Variants in OSBPL6 observed in about 807,000 individuals in gnomAD.
The protein encoded by OSBPL6 is oxysterol-binding protein-related protein 6.
Under a neutral mutation model 125.8 loss-of-function variants are expected in OSBPL6, and 49 were observed. The observed-to-expected ratio is 0.39, with a 90% CI of 0.31 to 0.49. The LOEUF (loss-of-function observed/expected upper bound fraction) is 0.49, where lower values mean the gene tolerates loss of function less well. OSBPL6 is among the 20% of genes least tolerant of loss of function. The pLI is 0.88. For synonymous variants in OSBPL6, 394 were observed against 391.8 expected, an observed-to-expected ratio of 1.01 and a Z score of -0.07; for missense variants, 986 against 1,135.4, an observed-to-expected ratio of 0.87 and a Z score of 1.89.
intron 2 of OSBPL6, among the ~76,000 whole-genome samples, chr2:178,297,980 AAG>A (rs1413947511): frequency 4.6e-5 from 7 of 152,268 alleles, no homozygotes; most frequent in African/African-American, 1.4e-4. Flanking sequence ...CCATCTTTCA[AAG>A]TGAAATTCTG....
At chr2:178,379,313 G>GAAA (rs1360579439) in intron 15 of OSBPL6, among the ~76,000 whole-genome samples, 20 of 83,712 alleles carry the variant, frequency 2.4e-4, no homozygotes, top group Non-Finnish European at 3.4e-4. Flanking sequence ...GAAAGAAACA[G>GAAA]GAAGGAAGGA....
At chr2:178,254,774 A>G (rs1180901909) in intron 1 of OSBPL6, among the ~76,000 whole-genome samples, 1 of 152,190 alleles carries the variant, frequency 6.6e-6, no homozygotes, top group Non-Finnish European at 1.5e-5. Context: ...AGTGACTGTG[A>G]AAAGTTCTGG....
chr2:178,358,214 T>C lies in OSBPL6; in HGVS notation c.1154-3468T>C, dbSNP rs1574961500. 3.3e-5 allele frequency among the ~76,000 whole-genome samples: 5 copies of C among 152,284 alleles called. 1 individual carries two copies. The highest frequency in any genetic ancestry group is 3.3e-4 in the Admixed American group (5 of 15,296). ...ACCTGCACGTTGTGCACATGTACCC[T>C]AGAATTTAAACTAAAATAAAAAAAT... On this transcript the variant is annotated intron_variant, in intron 12 of 24. Coordinates refer to ENST00000190611, the MANE Select transcript of OSBPL6 (RefSeq NM_032523.4).
Position 178,390,615 on chromosome 2 carries a change from C to G in OSBPL6, c.2302-458C>G, listed in dbSNP as rs545027878. Among the ~76,000 whole-genome samples the G allele has an allele frequency of 4.1e-4, 62 of 152,340 alleles. 1 individual carries two copies. In the South Asian group the frequency reaches 7.0e-3, roughly 17 times the overall value. The stretch of plus-strand genomic sequence containing the variant: ...CATGGGGTAGGCAAACTCCCATAGA[C>G]TTCTTATCCCTTGGGAAGGAGTATG... On this transcript the variant is annotated intron_variant, in intron 21 of 24. Coordinates refer to ENST00000190611, the MANE Select transcript of OSBPL6 (RefSeq NM_032523.4).
rs760374393 is a variant in OSBPL6 at position 178,332,667 on chromosome 2, C to T, written c.399C>T (p.Ser133=). The change falls in exon 7 of 25, where the codon AGC becomes AGT. Residue 133 remains serine (S), a synonymous_variant. Coordinates refer to ENST00000190611, the MANE Select transcript of OSBPL6 (RefSeq NM_032523.4). ...LDIQKGKVHG[S]IDVGLSVMSI... ...TTCAGAAAGGAAAGGTCCATGGGAG[C>T]ATAGATGTGGGACTCTCAGTCATGT... 9 of 1,613,794 alleles carry T rather than the reference C, an allele frequency of 5.6e-6. No individual in the cohort carries two copies. The highest frequency in any genetic ancestry group is 2.7e-5 in the African/African-American group (2 of 74,876).
intron 2 of OSBPL6, among the ~76,000 whole-genome samples, chr2:178,286,512 G>C (rs1400857290): frequency 6.6e-6 from 1 of 152,154 alleles, no homozygotes. Context: ...GCTGACACTT[G>C]CCAGCCAGGC....
At chr2:178,288,838 C>T (rs559290273) in intron 2 of OSBPL6, among the ~76,000 whole-genome samples, 8 of 151,520 alleles carry the variant, frequency 5.3e-5, no homozygotes, top group South Asian at 4.2e-4. Flanking sequence ...TCAGTAGACA[C>T]GGGGTTTCAC....
intron 11 of OSBPL6, among the ~76,000 whole-genome samples, chr2:178,348,073 A>G (rs1690895697): frequency 6.6e-6 from 1 of 152,082 alleles, no homozygotes; most frequent in South Asian, 2.1e-4. Flanking sequence ...GTGTCCTCTA[A>G]ATCCTTGGAG....
chr2:178,368,412 A>C (rs536130778), intron 13 of OSBPL6, among the ~76,000 whole-genome samples: 1 of 152,306 alleles, frequency 6.6e-6, no homozygotes, highest in South Asian at 2.1e-4. Context: ...CTACCACTGC[A>C]TAGATATTAT....
At chr2:178,255,613 C>T (rs554460154) in intron 1 of OSBPL6, among the ~76,000 whole-genome samples, 1 of 152,354 alleles carries the variant, frequency 6.6e-6, no homozygotes, top group Admixed American at 6.5e-5. Context: ...TCCATTGATT[C>T]AGCCATTGGG....
At chr2:178,266,246 A>G (rs1447981767) in intron 1 of OSBPL6, among the ~76,000 whole-genome samples, 1 of 152,186 alleles carries the variant, frequency 6.6e-6, no homozygotes, top group Non-Finnish European at 1.5e-5. Context: ...CCCGTGAACT[A>G]TTGGAGCCCC....
intron 15 of OSBPL6, among the ~76,000 whole-genome samples, chr2:178,376,037 G>A (rs1693846123): frequency 6.6e-6 from 1 of 152,166 alleles, no homozygotes; most frequent in Non-Finnish European, 1.5e-5. Context: ...AGGGAGATGA[G>A]ACATTCACTG....
intron 1 of OSBPL6, among the ~76,000 whole-genome samples, chr2:178,222,864 T>G (rs1288256371): frequency 2.6e-5 from 4 of 152,234 alleles, no homozygotes; most frequent in South Asian, 4.1e-4. Context: ...TATTTTCTTC[T>G]CTAGTATTTA....
intron 1 of OSBPL6, among the ~76,000 whole-genome samples, chr2:178,261,219 GA>G (rs2092050078): frequency 6.6e-6 from 1 of 152,078 alleles, no homozygotes; most frequent in Admixed American, 6.6e-5. Flanking sequence ...AAAACTGGAA[GA>G]AAGGAATCTT....
At chr2:178,320,489 A>G (rs1180375020) in intron 3 of OSBPL6, 2 of 1,389,014 alleles carry the variant, frequency 1.4e-6, no homozygotes, top group African/African-American at 2.9e-5. Context: ...TTTGAGAGGA[A>G]ACTTGATTTT....
chr2:178,311,694 G>A (rs1687283967), intron 3 of OSBPL6, among the ~76,000 whole-genome samples: 1 of 152,236 alleles, frequency 6.6e-6, no homozygotes, highest in Non-Finnish European at 1.5e-5. Context: ...GAGGTCAGGA[G>A]ATGACAACAG....
chr2:178,362,199 A>G (rs538529946), intron 13 of OSBPL6, among the ~76,000 whole-genome samples: 1 of 152,342 alleles, frequency 6.6e-6, no homozygotes, highest in African/African-American at 2.4e-5. Context: ...TTAAAAATGT[A>G]CTAGATCTTC....
chr2:178,214,465 C>A (rs334022), intron 1 of OSBPL6, among the ~76,000 whole-genome samples: 5 of 152,146 alleles, frequency 3.3e-5, no homozygotes, highest in Admixed American at 6.5e-5. Flanking sequence ...AAAATCAATC[C>A]GTAGGACAGG....
intron 4 of OSBPL6, among the ~76,000 whole-genome samples, chr2:178,327,169 TA>T (rs1401093715): frequency 1.3e-5 from 2 of 152,038 alleles, no homozygotes; most frequent in East Asian, 3.9e-4. Flanking sequence ...AATGAAAAAA[TA>T]AAAAATTGGA....
Sources: gnomAD v4.1 joint callset for allele counts (sites outside exome capture counted in the v4.1 genomes callset) on GRCh38, gnomAD v4.1.1 for gene constraint, MANE v1.5 for transcripts, NCBI Gene and HGNC (gene_info 2026-07-23, HGNC 2026-07-21) for gene names.